BICDL1: variants seen among roughly 807,000 people sequenced by gnomAD.
BICDL1 encodes the protein BICD family-like cargo adapter 1.
Under a neutral mutation model 76.8 loss-of-function variants are expected in BICDL1, and 20 were observed. That is an observed-to-expected ratio of 0.26 (90% CI 0.18 to 0.38). BICDL1 has a LOEUF of 0.38. BICDL1 is among the 10% of genes least tolerant of loss of function. The pLI is 1.00. For synonymous variants in BICDL1, 383 were observed against 337.1 expected (o/e 1.14, Z -1.49); for missense variants, 700 against 798.6 (o/e 0.88, Z 1.49).
At position 120,065,254 on chromosome 12, in the gene BICDL1, C is replaced by T. The variant is rs77893377; in HGVS notation, c.909+375C>T. The stretch of plus-strand genomic sequence containing the variant: ...TGACTCTCTAACTCAGCTCATAATG[C>T]TCTCTGCTGCTGTCTTCCCAAGCTC... On this transcript the variant is annotated intron_variant, in intron 4 of 9. Transcript: ENST00000548673. Among the ~76,000 whole-genome samples the T allele has an allele frequency of 5.1e-3, 771 of 152,342 alleles. 5 individuals carry two copies. The highest frequency in any genetic ancestry group is 0.016 in the African/African-American group (682 of 41,574).
At chr12:120,036,951 C>A (rs1952541395) in intron 2 of BICDL1, among the ~76,000 whole-genome samples, 1 of 152,158 alleles carries the variant, frequency 6.6e-6, no homozygotes, top group Admixed American at 6.5e-5. Context: ...AAAATCAAAT[C>A]TATGATGAAG....
chr12:119,997,982 C>T (rs1483275483), intron 1 of BICDL1, among the ~76,000 whole-genome samples: 5 of 152,090 alleles, frequency 3.3e-5, no homozygotes, highest in Admixed American at 2.0e-4. Flanking sequence ...AGTGTCATGG[C>T]GCATTCCTGT....
chr12:120,037,445 A>C (rs922188271), intron 2 of BICDL1, among the ~76,000 whole-genome samples: 22 of 151,986 alleles, frequency 1.4e-4, no homozygotes, highest in African/African-American at 4.8e-4. Flanking sequence ...GAGAATTTTC[A>C]GGCTTGTAAG....
chr12:120,003,319 A>G (rs572028664), intron 2 of BICDL1, among the ~76,000 whole-genome samples: 12 of 152,338 alleles, frequency 7.9e-5, no homozygotes, highest in Non-Finnish European at 1.2e-4. Flanking sequence ...CAGGGACTCT[A>G]TCTGTCTTGT....
Position 119,989,786 on chromosome 12 carries a change from G to GGCGGC in BICDL1, c.-77_-73dup. On this transcript the variant is annotated 5_prime_UTR_variant, in exon 1 of 10. Transcript: ENST00000548673. Reference sequence around the variant, plus strand: ...GCGCGAGGCGAGGCGCGGGACGCGGGGCGGCGCGGCAGGGCCCCTCCCCCC... The same window carrying GGCGGC: ...GCGCGAGGCGAGGCGCGGGACGCGGGGCGGCGCGGCGCGGCAGGGCCCCTCCCCCC... The GGCGGC allele has an allele frequency of 3.5e-6, 2 of 569,078 alleles. No homozygotes were observed. Among genetic ancestry groups the GGCGGC allele is most frequent in the Non-Finnish European group, 4.4e-6 (2 of 452,892 alleles). The allele number at this position is 569,078 out of a possible 1,614,324, so 35.3% of individuals were successfully genotyped here.
At chr12:120,090,223 T>C (rs1318269727) in intron 9 of BICDL1, 152 bp downstream of exon 9, 2 of 849,792 alleles carry the variant, frequency 2.4e-6, no homozygotes, top group Admixed American at 5.8e-5. Context: ...CCAGAGCTCA[T>C]GTCCCCTAGT....
Position 119,989,253 on chromosome 12 carries a change from G to C in BICDL1, c.-616G>C, listed in dbSNP as rs1162997015. Among the ~76,000 whole-genome samples the C allele has an allele frequency of 6.7e-6, 1 of 150,118 alleles. No homozygotes were observed. The highest frequency in any genetic ancestry group is 1.5e-5 in the Non-Finnish European group (1 of 67,200). ...GGGAAGGCAGGAAGGAGCTCGCCGG[G>C]TTGCGCGGCGCGCGATGTGGAGCCG... On this transcript the variant is annotated 5_prime_UTR_variant, in exon 1 of 10. Transcript: ENST00000548673.
At chr12:120,003,350 C>T (rs1031444941) in intron 2 of BICDL1, among the ~76,000 whole-genome samples, 4 of 152,136 alleles carry the variant, frequency 2.6e-5, no homozygotes, top group African/African-American at 9.7e-5. Context: ...AAACAGGTAT[C>T]TAGCAGAGTG....
chr12:120,019,200 T>C (rs2138702875), intron 2 of BICDL1: 1 of 152,086 alleles, frequency 6.6e-6, no homozygotes, highest in East Asian at 1.9e-4. Flanking sequence ...ATTAGTAGTG[T>C]GATTGTGCCT....
intron 2 of BICDL1, among the ~76,000 whole-genome samples, chr12:120,025,131 G>T (rs1406312349): frequency 6.6e-6 from 1 of 151,064 alleles, no homozygotes; most frequent in East Asian, 1.9e-4. Context: ...CTCACTGCAG[G>T]CTCCGCCCCC....
intron 2 of BICDL1, among the ~76,000 whole-genome samples, chr12:120,050,949 G>A (rs1043644031): frequency 3.9e-5 from 6 of 151,956 alleles, no homozygotes; most frequent in African/African-American, 1.4e-4. Context: ...TTAATTTTAA[G>A]TTATTATTTT....
intron 2 of BICDL1, among the ~76,000 whole-genome samples, chr12:120,021,936 AAAAT>A (rs1172096786): frequency 1.3e-5 from 2 of 149,358 alleles, no homozygotes; most frequent in Non-Finnish European, 3.0e-5. Context: ...AATAAATAAA[AAAAT>A]AAAATAATAA....
At chr12:120,014,147 T>C (rs747764744) in intron 2 of BICDL1, among the ~76,000 whole-genome samples, 1 of 152,254 alleles carries the variant, frequency 6.6e-6, no homozygotes, top group Non-Finnish European at 1.5e-5. Context: ...TAAACGATCA[T>C]GTTTTGTTTT....
At chr12:120,039,828 C>T (rs554200886) in intron 2 of BICDL1, among the ~76,000 whole-genome samples, 3 of 152,030 alleles carry the variant, frequency 2.0e-5, no homozygotes, top group Non-Finnish European at 2.9e-5. Context: ...TTTAGCCCCA[C>T]GTACCGTATT....
chr12:120,056,434 A>G (rs1952972741), intron 2 of BICDL1, among the ~76,000 whole-genome samples: 1 of 152,124 alleles, frequency 6.6e-6, no homozygotes, highest in African/African-American at 2.4e-5. Context: ...ATAAGAATGA[A>G]TTGAGGCCGG....
intron 2 of BICDL1, among the ~76,000 whole-genome samples, chr12:120,040,715 C>T (rs1952623228): frequency 6.6e-6 from 1 of 151,352 alleles, no homozygotes; most frequent in Non-Finnish European, 1.5e-5. Context: ...CACACCTGGC[C>T]CTATATTTCC....
intron 2 of BICDL1, among the ~76,000 whole-genome samples, chr12:120,013,501 A>G (rs1030417902): frequency 7.2e-6 from 1 of 139,156 alleles, no homozygotes; most frequent in African/African-American, 2.7e-5. Flanking sequence ...TTACTCTATC[A>G]CCCAGGCTGG....
chr12:120,088,299 A>G (rs1408365440), intron 8 of BICDL1, among the ~76,000 whole-genome samples: 2 of 151,856 alleles, frequency 1.3e-5, no homozygotes, highest in Non-Finnish European at 2.9e-5. Context: ...TGCTTTTTCC[A>G]CTCAGCAATA....
At chr12:120,014,746 C>G (rs2138681747) in intron 2 of BICDL1, among the ~76,000 whole-genome samples, 1 of 150,844 alleles carries the variant, frequency 6.6e-6, no homozygotes, top group African/African-American at 2.4e-5. Context: ...CACCTGTAAT[C>G]TCAACACTTG....
Sources: allele counts gnomAD v4.1 joint callset (sites outside exome capture counted in the v4.1 genomes callset), GRCh38; gene constraint gnomAD v4.1.1; transcripts MANE v1.5; gene names NCBI Gene and HGNC (gene_info 2026-07-23, HGNC 2026-07-21).